ELL: variants seen among roughly 807,000 people sequenced by gnomAD.
The protein encoded by ELL is elongation factor for RNA polymerase II, also known as RNA polymerase II elongation factor ELL.
ELL carries 18 observed loss-of-function variants against 64.0 expected under a neutral mutation model. The ratio of observed to expected loss-of-function variants is 0.28; its 90% CI spans 0.19 to 0.42. The LOEUF is 0.42. Among genes scored for constraint, ELL ranks in the 10% least tolerant of loss-of-function variants. ELL has a pLI of 1.00. For missense variants in ELL, 797 were observed against 870.4 expected (o/e 0.92, Z 1.06); for synonymous variants, 399 against 376.2 (o/e 1.06, Z -0.70).
At chr19:18,463,187 T>G (rs578158726) in intron 4 of ELL, among the ~76,000 whole-genome samples, 2 of 152,250 alleles carry the variant, frequency 1.3e-5, no homozygotes, top group East Asian at 3.9e-4. Context: ...CCAGGGCCAG[T>G]GCTCACACCT....
chr19:18,515,989 A>C (rs1036841762), intron 1 of ELL, among the ~76,000 whole-genome samples: 11 of 152,174 alleles, frequency 7.2e-5, no homozygotes, highest in African/African-American at 2.7e-4. Flanking sequence ...CCCAGGGCCA[A>C]CAGGGGCAGC....
intron 2 of ELL, chr19:18,470,973 C>T (rs767194820): frequency 1.1e-5 from 5 of 456,622 alleles, no homozygotes; most frequent in Admixed American, 9.4e-5. Flanking sequence ...CCCTGGGCTG[C>T]ACCTGGAAGC....
chr19:18,521,769 C>T lies in ELL; in HGVS notation c.135+152G>A, dbSNP rs1292463099. On this transcript the variant is annotated intron_variant, in intron 1 of 11. Transcript: ENST00000262809. Reference sequence around the variant, plus strand: ...GCGGTTCTCAGCGCTCCAGGCCGGACTGGCGCCCACTCCGCGCCCCGCCGG... The same window carrying T: ...GCGGTTCTCAGCGCTCCAGGCCGGATTGGCGCCCACTCCGCGCCCCGCCGG... 2.5e-6 allele frequency: 3 copies of T among 1,215,012 alleles called. No homozygotes were observed. The African/African-American group carries it at 4.9e-5, about 20-fold the overall frequency. The allele number at this position is 1,215,012 out of a possible 1,614,324, so 75.3% of individuals were successfully genotyped here. A position where few individuals can be genotyped will look rare whatever the true frequency, so the allele number is the denominator to read the frequency against.
chr19:18,491,557 C>A (rs1975535294), intron 1 of ELL, among the ~76,000 whole-genome samples: 1 of 152,086 alleles, frequency 6.6e-6, no homozygotes, highest in South Asian at 2.1e-4. Context: ...CTCCAGCCTG[C>A]CGTCCTGCCC....
At position 18,444,652 on chromosome 19, in the gene ELL, C is replaced by T; in HGVS notation, c.*100G>A. 7.6e-7 allele frequency: 1 copy of T among 1,322,262 alleles called. No homozygotes were observed. Among genetic ancestry groups the T allele is most frequent in the Non-Finnish European group, 1.0e-6 (1 of 969,230 alleles). 81.9% of individuals were successfully genotyped at this position (1,322,262 alleles called of 1,614,324 possible). The stretch of plus-strand genomic sequence containing the variant: ...GCCCTGAAAGCCGGCGGTGCTGGCT[C>T]AGATGAGCATCTTCCTCGGGTTTAT... On this transcript the variant is annotated 3_prime_UTR_variant, in exon 12 of 12. Transcript: ENST00000262809.
rs1039143597 is a variant in ELL at position 18,444,785 on chromosome 19, C to T, written c.1833G>A (p.Glu611=). The change falls in exon 12 of 12, where the codon GAG becomes GAA. Residue 611 remains glutamate (E), a synonymous_variant. Transcript: ENST00000262809. The part of the protein sequence containing the change: ...KLAHIKRLIA[E]YDQRQLQAWP The stretch of plus-strand genomic sequence containing the variant: ...AAGCCTGCAGCTGCCGCTGGTCGTA[C>T]TCGGCGATGAGCCTCTTGATGTGGG... 1.2e-6 allele frequency: 2 copies of T among 1,609,190 alleles called. No individual in the cohort carries two copies. The highest frequency in any genetic ancestry group is 1.7e-6 in the Non-Finnish European group (2 of 1,179,686).
intron 1 of ELL, among the ~76,000 whole-genome samples, chr19:18,483,156 A>T (rs2144944513): frequency 6.6e-6 from 1 of 151,962 alleles, no homozygotes; most frequent in Admixed American, 6.6e-5. Flanking sequence ...TCCCCTCCCA[A>T]ACTAGCAGCT....
intron 2 of ELL, among the ~76,000 whole-genome samples, chr19:18,470,073 T>G (rs1975032446): frequency 6.6e-6 from 1 of 152,126 alleles, no homozygotes; most frequent in African/African-American, 2.4e-5. Flanking sequence ...TCCCAGCACT[T>G]TGGGAGGCTG....
Position 18,454,840 on chromosome 19 carries a change from C to CAAAAAAAAAAAAAA in ELL, c.870-3206_870-3193dup, listed in dbSNP as rs563546343. ...TGGGCAACAGAGTGAGACTCAGTCT[C>CAAAAAAAAAAAAAA]AAAAAAAAAAAAAAAAAAGGCATCC... On this transcript the variant is annotated intron_variant, in intron 6 of 11. Transcript: ENST00000262809. Among the ~76,000 whole-genome samples, 44 of 56,504 alleles carry CAAAAAAAAAAAAAA rather than the reference C, an allele frequency of 7.8e-4. 1 individual carries two copies. Among genetic ancestry groups the CAAAAAAAAAAAAAA allele is most frequent in the South Asian group, 7.4e-3 (11 of 1,484 alleles). 37.1% of individuals were successfully genotyped at this position (56,504 alleles called of 152,430 possible). A position where few individuals can be genotyped will look rare whatever the true frequency, so the allele number is the denominator to read the frequency against.
At chr19:18,472,152 C>T (rs531984199) in intron 2 of ELL, among the ~76,000 whole-genome samples, 1 of 152,006 alleles carries the variant, frequency 6.6e-6, no homozygotes, top group South Asian at 2.1e-4. Context: ...AGTAGAGACG[C>T]GTTTCTCTAC....
chr19:18,454,071 A>C (rs915273073), intron 6 of ELL, among the ~76,000 whole-genome samples: 5 of 152,214 alleles, frequency 3.3e-5, no homozygotes, highest in Admixed American at 3.3e-4. Context: ...TGGGGAAATG[A>C]AAATTTTCTG....
At chr19:18,509,582 T>C (rs1397261499) in intron 1 of ELL, among the ~76,000 whole-genome samples, 57 of 95,550 alleles carry the variant, frequency 6.0e-4, no homozygotes, top group African/African-American at 1.8e-3. Flanking sequence ...CCAATGCACG[T>C]GCGCGCGCGC....
At chr19:18,507,114 A>G (rs1158490535) in intron 1 of ELL, among the ~76,000 whole-genome samples, 1 of 152,282 alleles carries the variant, frequency 6.6e-6, no homozygotes, top group East Asian at 1.9e-4. Context: ...ATCCAGTGTG[A>G]GCTGAGCACA....
chr19:18,516,263 C>A (rs1362288225), intron 1 of ELL, among the ~76,000 whole-genome samples: 1 of 152,192 alleles, frequency 6.6e-6, no homozygotes, highest in African/African-American at 2.4e-5. Context: ...GAGCTGAGTA[C>A]TGGCCACAGG....
rs1375473117 is a variant in ELL at position 18,450,668 on chromosome 19, A to G, written c.1274T>C (p.Leu425Pro). 1 of 1,588,808 alleles carries G rather than the reference A, an allele frequency of 6.3e-7. No individual in the cohort carries two copies. The highest frequency in any genetic ancestry group is 2.3e-5 in the East Asian group (1 of 43,664). Residue 425 changes from leucine (L) to proline (P), a missense_variant, in exon 8 of 12, where the codon CTC becomes CCC. Coordinates refer to ENST00000262809, the MANE Select transcript of ELL (RefSeq NM_006532.4). ...EAAAPAPTVR[L>P]GLPLLTDCAQ... ...ACAGTCCGTCAGCAGGGGCAGGCCGAGGCGCACAGTGGGGGCTGGGGCAGC... is the reference window on the plus strand; with the variant it reads ...ACAGTCCGTCAGCAGGGGCAGGCCGGGGCGCACAGTGGGGGCTGGGGCAGC...
chr19:18,485,010 A>G (rs937948569), intron 1 of ELL, among the ~76,000 whole-genome samples: 3 of 152,168 alleles, frequency 2.0e-5, no homozygotes, highest in African/African-American at 7.2e-5. Flanking sequence ...GGCCTCTCCT[A>G]GCCCTGGGTT....
Position 18,489,056 on chromosome 19 carries a change from T to C in ELL, c.136-16174A>G, listed in dbSNP as rs553908169. Among the ~76,000 whole-genome samples the C allele has an allele frequency of 3.1e-3, 465 of 152,280 alleles. 1 individual carries two copies. The highest frequency in any genetic ancestry group is 5.5e-3 in the Non-Finnish European group (377 of 68,018). ...GCCTTGCCTGACAGCCGGAGGGAGCTGGAGTCTGAAATCTCAGCTGCTCTT... is the reference window on the plus strand; with the variant it reads ...GCCTTGCCTGACAGCCGGAGGGAGCCGGAGTCTGAAATCTCAGCTGCTCTT... On this transcript the variant is annotated intron_variant, in intron 1 of 11. Coordinates refer to ENST00000262809, the MANE Select transcript of ELL (RefSeq NM_006532.4).
chr19:18,452,137 C>T (rs1460444025), intron 6 of ELL, among the ~76,000 whole-genome samples: 1 of 152,180 alleles, frequency 6.6e-6, no homozygotes, highest in Non-Finnish European at 1.5e-5. Context: ...AAGAAACACC[C>T]CAGTGCATGC....
chr19:18,450,935 T>C lies in ELL; in HGVS notation c.1007A>G (p.Asn336Ser). 1.3e-6 allele frequency: 2 copies of C among 1,535,344 alleles called. No homozygotes were observed. Among genetic ancestry groups the C allele is most frequent in the Non-Finnish European group, 1.8e-6 (2 of 1,141,194 alleles). Residue 336 changes from asparagine (N) to serine (S), a missense_variant, in exon 8 of 12, where the codon AAC becomes AGC. Transcript: ENST00000262809. The part of the protein sequence containing the change: ...QPPDFIDPLA[N>S]KKPRISHFTQ... ...GAAGTGCGATATCCGGGGTTTCTTG[T>C]TGGCTAGGGGGTCGATGAAATCAGG...
Sources: gnomAD v4.1 joint callset for allele counts (sites outside exome capture counted in the v4.1 genomes callset) on GRCh38, gnomAD v4.1.1 for gene constraint, MANE v1.5 for transcripts, NCBI Gene and HGNC (gene_info 2026-07-23, HGNC 2026-07-21) for gene names.